Variants in MAP1B observed in about 807,000 individuals in gnomAD.
MAP1B encodes the protein microtubule-associated protein 1B.
In MAP1B, 12 loss-of-function variants were observed where a neutral mutation model predicts 176.1. The ratio of observed to expected loss-of-function variants is 0.07; its 90% confidence interval spans 0.04 to 0.11. MAP1B has a LOEUF of 0.11. Among genes scored for constraint, MAP1B ranks in the 10% least tolerant of loss-of-function variants. The pLI is 1.00. For missense variants in MAP1B, 2,523 were observed against 2,990.5 expected (o/e 0.84, Z 3.65); for synonymous variants, 1,044 against 1,135.0 (o/e 0.92, Z 1.61).
intron 2 of MAP1B, among the ~76,000 whole-genome samples, chr5:72,163,724 G>C (rs1424458409): frequency 1.3e-5 from 2 of 152,008 alleles, no homozygotes; most frequent in Non-Finnish European, 2.9e-5. Context: ...GTGGATACCT[G>C]CACATTACTC....
At chr5:72,142,181 A>C (rs1043230493) in intron 2 of MAP1B, among the ~76,000 whole-genome samples, 1 of 151,974 alleles carries the variant, frequency 6.6e-6, no homozygotes, top group Non-Finnish European at 1.5e-5. Flanking sequence ...CACTCTTCCT[A>C]CTTCCCCCAA....
chr5:72,198,741 T>C lies in MAP1B; in HGVS notation c.5386T>C (p.Tyr1796His), dbSNP rs775654536. The stretch of plus-strand genomic sequence containing the variant: ...CACCCCACGAGAGTCCTCTCCTTTA[T>C]ATTCACCTACTTTTTCAGATTCTAC... ...PLTPRESSPL[Y>H]SPTFSDSTSA... is the part of the protein sequence containing the mutation. Residue 1796 changes from tyrosine to histidine, a missense_variant, in exon 5 of 7, where the codon TAT becomes CAT. Around this residue, in one of 4 missense-constraint regions of MAP1B, gnomAD observed 1,925 missense variants for 2,126.0 expected, o/e 0.91. Transcript: ENST00000296755. 23 of 1,614,208 alleles carry C rather than the reference T, an allele frequency of 1.4e-5. No homozygotes were observed. In the Admixed American group the frequency reaches 3.3e-4, roughly 23 times the overall value.
intron 2 of MAP1B, among the ~76,000 whole-genome samples, chr5:72,161,923 C>T (rs1440696599): frequency 7.8e-6 from 1 of 128,478 alleles, no homozygotes; most frequent in Non-Finnish European, 1.5e-5. Context: ...CGCCACTACA[C>T]TACAGCCTGG....
intron 2 of MAP1B, among the ~76,000 whole-genome samples, chr5:72,141,087 C>T (rs1745940713): frequency 6.6e-6 from 1 of 152,218 alleles, no homozygotes; most frequent in East Asian, 1.9e-4. Context: ...ATTGACCAGG[C>T]CAGTATAGGG....
At chr5:72,147,796 G>T (rs1411687675) in intron 2 of MAP1B, among the ~76,000 whole-genome samples, 1 of 152,186 alleles carries the variant, frequency 6.6e-6, no homozygotes, top group Non-Finnish European at 1.5e-5. Flanking sequence ...TTGGTGGTTT[G>T]TTGCCTGGGA....
intron 2 of MAP1B, among the ~76,000 whole-genome samples, chr5:72,167,731 A>T (rs1451438904): frequency 6.6e-6 from 1 of 152,236 alleles, no homozygotes; most frequent in Non-Finnish European, 1.5e-5. Flanking sequence ...TTGTCATTGG[A>T]GTCAAAAGAA....
chr5:72,193,340 G>C, intron 4 of MAP1B: 1 of 325,834 alleles, frequency 3.1e-6, no homozygotes, highest in Non-Finnish European at 5.8e-6. Context: ...TATCCATCAG[G>C]CCTTTTTTTT....
At position 72,186,563 on chromosome 5, in the gene MAP1B, G is replaced by C; in HGVS notation, c.370-51G>C. The C allele has an allele frequency of 1.3e-6, 2 of 1,599,578 alleles. No homozygotes were observed. The highest frequency in any genetic ancestry group is 1.7e-6 in the Non-Finnish European group (2 of 1,170,908). ...AAGGCTAGCCCTGTCCTGAAGGTGG[G>C]ATGGCAGCACTGCCCATGGCTCAGG... is the stretch of plus-strand genomic sequence containing the variant. On this transcript the variant is annotated intron_variant, in intron 3 of 6. Coordinates refer to ENST00000296755, the MANE Select transcript of MAP1B (RefSeq NM_005909.5). This position sits in a 1 kb window ranked among gnomAD's most constrained non-coding sequence, Gnocchi z 4.3.
In MAP1B at chr5:72,196,420, A is replaced by T. The variant is rs139433581; in HGVS notation, c.3065A>T (p.Glu1022Val). The T allele has an allele frequency of 1.7e-5, 27 of 1,613,658 alleles. No homozygotes were observed. The highest frequency in any genetic ancestry group is 2.3e-5 in the Non-Finnish European group (27 of 1,179,732). The change falls in exon 5 of 7, where the codon GAG (glutamate) becomes GTG (valine). Residue 1022 changes from glutamate (E) to valine (V), a missense_variant. Glu to Val is a moderately radical substitution (Grantham distance 121). Coordinates refer to ENST00000296755, the MANE Select transcript of MAP1B (RefSeq NM_005909.5). This position sits in a 1 kb window ranked among gnomAD's most constrained non-coding sequence, Gnocchi z 5.3. ...EAEQSEEEADEEDKAEDAREE... is the reference protein window; with the variant it reads ...EAEQSEEEADVEDKAEDAREE... ...GAACAATCTGAAGAGGAGGCTGATG[A>T]GGAGGACAAAGCTGAAGATGCCAGA... is the stretch of plus-strand genomic sequence containing the variant.
chr5:72,139,479 C>G (rs976695148), intron 2 of MAP1B, among the ~76,000 whole-genome samples: 1 of 152,220 alleles, frequency 6.6e-6, no homozygotes, highest in African/African-American at 2.4e-5. Context: ...GATGCACTTT[C>G]TAGCCCTGCA....
chr5:72,197,747 C>T lies in MAP1B; in HGVS notation c.4392C>T (p.Asp1464=). ...YQDKQEGKST[D]FAPIKEDFGQ... ...ACAAACAGGAAGGGAAAAGCACAGA[C>T]TTTGCACCAATAAAAGAAGACTTTG... Residue 1464 remains aspartate (D), a synonymous_variant, in exon 5 of 7, where the codon GAC becomes GAT. Transcript: ENST00000296755. 2 of 1,614,204 alleles carry T rather than the reference C, an allele frequency of 1.2e-6. No individual in the cohort carries two copies. Among genetic ancestry groups the T allele is most frequent in the Non-Finnish European group, 1.7e-6 (2 of 1,180,038 alleles).
chr5:72,159,310 G>C lies in MAP1B; in HGVS notation c.287-24433G>C, dbSNP rs188316313. Among the ~76,000 whole-genome samples the C allele has an allele frequency of 1.1e-3, 163 of 152,306 alleles. 1 individual carries two copies. The highest frequency in any genetic ancestry group is 3.4e-3 in the Middle Eastern group (1 of 294). ...TCTTTGAAGAAGAGTGTTTAGATTA[G>C]TACAGTATGTTACTACTCTGTTGTC... On this transcript the variant is annotated intron_variant, in intron 2 of 6. Transcript: ENST00000296755.
rs909145967 is a variant in MAP1B at position 72,186,219 on chromosome 5, G to A, written c.370-395G>A. 2.6e-5 allele frequency among the ~76,000 whole-genome samples: 4 copies of A among 152,134 alleles called. No individual in the cohort carries two copies. The highest frequency in any genetic ancestry group is 3.9e-4 in the East Asian group (2 of 5,184). The stretch of plus-strand genomic sequence containing the variant: ...GTGATTCAGCCTGTGAGATAGTTCC[G>A]TCTTCCCTGGTTTCGCAGACCACGT... On this transcript the variant is annotated intron_variant, in intron 3 of 6. Transcript: ENST00000296755. This position sits in a 1 kb window ranked among gnomAD's most constrained non-coding sequence, Gnocchi z 4.3.
At chr5:72,157,745 T>C (rs901717450) in intron 2 of MAP1B, among the ~76,000 whole-genome samples, 50 of 152,306 alleles carry the variant, frequency 3.3e-4, no homozygotes, top group African/African-American at 1.1e-3. Context: ...CCCAAAACCT[T>C]CCAGTAATTG....
chr5:72,119,978 ATTTCAT>A (rs1490140866), intron 2 of MAP1B, among the ~76,000 whole-genome samples: 1 of 152,126 alleles, frequency 6.6e-6, no homozygotes, highest in Non-Finnish European at 1.5e-5. Context: ...TACAGGGTTT[ATTTCAT>A]TTTCCGTTGC....
intron 2 of MAP1B, among the ~76,000 whole-genome samples, chr5:72,122,278 C>T (rs993821339): frequency 6.6e-6 from 1 of 152,002 alleles, no homozygotes; most frequent in Non-Finnish European, 1.5e-5. Context: ...CTCATGCTGT[C>T]CGCTCTCACC....
chr5:72,134,473 T>C (rs1745793920), intron 2 of MAP1B, among the ~76,000 whole-genome samples: 1 of 152,054 alleles, frequency 6.6e-6, no homozygotes, highest in African/African-American at 2.4e-5. Context: ...AAACAGGGGA[T>C]TAGCATGAGG....
chr5:72,144,402 A>AATTC (rs1746008567), intron 2 of MAP1B, among the ~76,000 whole-genome samples: 1 of 152,032 alleles, frequency 6.6e-6, no homozygotes, highest in African/African-American at 2.4e-5. Context: ...TTTTTTACTG[A>AATTC]ATTCAAAGCT....
chr5:72,158,579 A>G (rs1246395594), intron 2 of MAP1B, among the ~76,000 whole-genome samples: 1 of 152,204 alleles, frequency 6.6e-6, no homozygotes, highest in Non-Finnish European at 1.5e-5. Context: ...GAGTATGACT[A>G]ATTTGGAGAG....
Sources: allele counts gnomAD v4.1 joint callset (sites outside exome capture counted in the v4.1 genomes callset), GRCh38; gene constraint gnomAD v4.1.1; regional missense constraint gnomAD v4.1.1; non-coding constraint Gnocchi (gnomAD v3.1); transcripts MANE v1.5; gene names NCBI Gene and HGNC (gene_info 2026-07-23, HGNC 2026-07-21).